C12orf50: variants seen among roughly 807,000 people sequenced by gnomAD.
The protein encoded by C12orf50 is zinc finger CCCH-type containing 11D.
Under a neutral mutation model 61.6 loss-of-function variants are expected in C12orf50, and 35 were observed. That is an observed-to-expected ratio of 0.57 (90% CI 0.43 to 0.75). C12orf50 has a LOEUF of 0.75. Ranked by LOEUF, C12orf50 falls within the 30% of genes least tolerant of loss-of-function variation. The pLI, the probability that C12orf50 is intolerant of heterozygous loss-of-function variation, is 0.00. For missense variants in C12orf50, 475 were observed against 488.5 expected, an observed-to-expected ratio of 0.97 and a Z score of 0.26; for synonymous variants, 178 against 161.5, an observed-to-expected ratio of 1.10 and a Z score of -0.77.
rs147771992 is a variant in C12orf50 at position 87,999,195 on chromosome 12, C to T, written c.134-1005G>A. 1.5e-3 allele frequency among the ~76,000 whole-genome samples: 224 copies of T among 152,126 alleles called. 1 individual carries two copies. The highest frequency in any genetic ancestry group is 5.3e-3 in the African/African-American group (220 of 41,520). ...CAGATAATGAAGAAACACTCAGAACCCCAAGGTGACACAGAAAGAATAAAT... is the reference window on the plus strand; with the variant it reads ...CAGATAATGAAGAAACACTCAGAACTCCAAGGTGACACAGAAAGAATAAAT... On this transcript the variant is annotated intron_variant, in intron 3 of 12. Transcript: ENST00000298699.
At chr12:88,001,700 T>G (rs1333236199) in intron 3 of C12orf50, among the ~76,000 whole-genome samples, 2 of 151,650 alleles carry the variant, frequency 1.3e-5, no homozygotes, top group East Asian at 1.9e-4. Flanking sequence ...TTTTTCTTTT[T>G]TTCTAGAGTC....
intron 7 of C12orf50, among the ~76,000 whole-genome samples, chr12:87,992,897 T>C (rs866282283): frequency 9.2e-5 from 14 of 152,226 alleles, no homozygotes; most frequent in Non-Finnish European, 1.0e-4. Context: ...AATTCATTAA[T>C]TATAATTTCA....
intron 3 of C12orf50, among the ~76,000 whole-genome samples, chr12:88,011,415 G>C (rs1210980165): frequency 6.6e-6 from 1 of 152,038 alleles, no homozygotes. Flanking sequence ...GAATGATGAT[G>C]ATAATGATAA....
rs774224660 is a variant in C12orf50 at position 87,996,394 on chromosome 12, T to G, written c.461A>C (p.Asn154Thr). Residue 154 changes from asparagine to threonine, a missense_variant, in exon 6 of 13, where the codon AAT becomes ACT. Physicochemically the swap from Asn to Thr is moderately conservative, Grantham distance 65 (BLOSUM62 0). Transcript: ENST00000298699. ...CTTACCTTCTTGCAATTCACTGCCATTTTCCAAAGGCTTTTCTAACTGTTT... is the reference window on the plus strand; with the variant it reads ...CTTACCTTCTTGCAATTCACTGCCAGTTTCCAAAGGCTTTTCTAACTGTTT... ...AEKQLEKPLE[N>T]GSELQEGDSL... is the part of the protein sequence containing the mutation. 4.5e-5 allele frequency: 72 copies of G among 1,611,524 alleles called. No individual in the cohort carries two copies. Among genetic ancestry groups the G allele is most frequent in the Non-Finnish European group, 6.0e-5 (71 of 1,178,048 alleles).
chr12:87,989,851 A>G (rs1052640411), intron 7 of C12orf50, among the ~76,000 whole-genome samples: 1 of 152,106 alleles, frequency 6.6e-6, no homozygotes, highest in African/African-American at 2.4e-5. Context: ...AAATAACCTT[A>G]TTTTAAAATG....
At chr12:87,998,811 T>A (rs1454231932) in intron 3 of C12orf50, among the ~76,000 whole-genome samples, 2 of 152,174 alleles carry the variant, frequency 1.3e-5, no homozygotes, top group African/African-American at 4.8e-5. Flanking sequence ...ATGAATCAAT[T>A]TATGCTCAGC....
At chr12:88,020,279 T>C (rs1262051903) in intron 3 of C12orf50, among the ~76,000 whole-genome samples, 1 of 152,184 alleles carries the variant, frequency 6.6e-6, no homozygotes, top group African/African-American at 2.4e-5. Flanking sequence ...ACTAACATGC[T>C]GTCTTCAAGA....
intron 7 of C12orf50, among the ~76,000 whole-genome samples, chr12:87,994,400 G>T (rs752380555): frequency 2.6e-4 from 39 of 151,358 alleles, no homozygotes; most frequent in Non-Finnish European, 4.6e-4. Flanking sequence ...ACACACACAG[G>T]TTTCTCATTA....
At chr12:88,024,968 G>T (rs941331310) in intron 3 of C12orf50, among the ~76,000 whole-genome samples, 3 of 152,064 alleles carry the variant, frequency 2.0e-5, no homozygotes, top group Non-Finnish European at 4.4e-5. Context: ...AGCCTGATTT[G>T]CATGGGATTA....
chr12:87,986,384 A>G lies in C12orf50; in HGVS notation c.850T>C (p.Phe284Leu), dbSNP rs1372055888. 3 of 1,610,494 alleles carry G rather than the reference A, an allele frequency of 1.9e-6. No individual in the cohort carries two copies. In the South Asian group the frequency reaches 3.3e-5, roughly 18 times the overall value. ...NDVQPVKKPHFKGVKKRKWIY... is the reference protein window; with the variant it reads ...NDVQPVKKPHLKGVKKRKWIY... Reference sequence around the variant, plus strand: ...CATTTTCTTTTCTTCACACCTTTAAAATGAGGCTTCTTCACTGGCTGGACA... The same window carrying G: ...CATTTTCTTTTCTTCACACCTTTAAGATGAGGCTTCTTCACTGGCTGGACA... Residue 284 changes from phenylalanine (F) to leucine (L), a missense_variant, in exon 10 of 13, where the codon TTT (phenylalanine) becomes CTT (leucine). Transcript: ENST00000298699.
intron 7 of C12orf50, among the ~76,000 whole-genome samples, chr12:87,991,471 G>A (rs545326694): frequency 1.1e-3 from 168 of 152,156 alleles, no homozygotes; most frequent in African/African-American, 3.7e-3. Context: ...TTTAAAATAC[G>A]GATTAAAGAG....
intron 3 of C12orf50, among the ~76,000 whole-genome samples, chr12:88,009,406 T>G (rs1380827115): frequency 6.6e-6 from 1 of 152,090 alleles, no homozygotes; most frequent in Non-Finnish European, 1.5e-5. Flanking sequence ...AGACTGATCA[T>G]CTTGTTTGTT....
chr12:88,015,782 G>T (rs905991306), intron 3 of C12orf50, among the ~76,000 whole-genome samples: 1 of 152,108 alleles, frequency 6.6e-6, no homozygotes, highest in Non-Finnish European at 1.5e-5. Flanking sequence ...ACTTAGAAAT[G>T]ATAACCAGAG....
chr12:87,998,549 G>T (rs1384364001), intron 3 of C12orf50, among the ~76,000 whole-genome samples: 1 of 152,060 alleles, frequency 6.6e-6, no homozygotes, highest in Non-Finnish European at 1.5e-5. Context: ...ATGTTGAAAT[G>T]GAAAGATATC....
chr12:87,981,870 T>G (rs1215537170), intron 12 of C12orf50, among the ~76,000 whole-genome samples: 2 of 152,032 alleles, frequency 1.3e-5, no homozygotes, highest in East Asian at 3.9e-4. Flanking sequence ...AGCAAAAAAT[T>G]TCTCTTCAAA....
chr12:87,989,795 C>G (rs1381319696), intron 7 of C12orf50, among the ~76,000 whole-genome samples: 1 of 152,028 alleles, frequency 6.6e-6, no homozygotes, highest in Non-Finnish European at 1.5e-5. Context: ...ATACAAAATT[C>G]CAAAATTCTT....
At chr12:87,991,467 A>T (rs1166239648) in intron 7 of C12orf50, among the ~76,000 whole-genome samples, 1 of 152,212 alleles carries the variant, frequency 6.6e-6, no homozygotes, top group Admixed American at 6.5e-5. Context: ...AGAATTTAAA[A>T]TACGGATTAA....
chr12:87,983,104 T>G lies in C12orf50; in HGVS notation c.1218A>C (p.Pro406=). 1 of 1,550,854 alleles carries G rather than the reference T, an allele frequency of 6.4e-7. No homozygotes were observed. The highest frequency in any genetic ancestry group is 1.7e-5 in the Admixed American group (1 of 57,752). The change falls in exon 12 of 13, where the codon CCA becomes CCC. Residue 406 remains proline (P), a splice_region_variant and synonymous_variant. Transcript: ENST00000298699. ...TTAAAACCACTTATAAATAGTTACC[T>G]GGATATATCTTTTCACTTTTTGAAT... is the stretch of plus-strand genomic sequence containing the variant. The part of the protein sequence containing the change: ...KTYSKSEKIY[P]EPRRNGSK
At chr12:87,983,238 AATC>A in intron 11 of C12orf50, 43 bp from the exon 12 acceptor site, 3 of 1,333,186 alleles carry the variant, frequency 2.3e-6, no homozygotes, top group Non-Finnish European at 3.2e-6. Flanking sequence ...ATAACTTTAA[AATC>A]ATATTCCAAG....
Sources: allele counts gnomAD v4.1 joint callset (sites outside exome capture counted in the v4.1 genomes callset), GRCh38; gene constraint gnomAD v4.1.1; transcripts MANE v1.5; gene names NCBI Gene and HGNC (gene_info 2026-07-23, HGNC 2026-07-21).